Variants in BRINP1 observed in about 807,000 individuals in gnomAD.
BRINP1 encodes BMP/retinoic acid-inducible neural-specific protein 1.
In BRINP1, 17 loss-of-function variants were observed where a neutral mutation model predicts 72.9. The observed-to-expected ratio is 0.23, with a 90% confidence interval of 0.16 to 0.35. The LOEUF is 0.35. Among genes scored for constraint, BRINP1 ranks in the 10% least tolerant of loss-of-function variants. BRINP1 has a pLI of 1.00. For synonymous variants in BRINP1, 418 were observed against 378.5 expected (o/e 1.10, Z -1.21); for missense variants, 850 against 1,001.6 (o/e 0.85, Z 2.04).
At chr9:119,349,454 T>G (rs1831481749) in intron 1 of BRINP1, among the ~76,000 whole-genome samples, 1 of 152,236 alleles carries the variant, frequency 6.6e-6, no homozygotes, top group Non-Finnish European at 1.5e-5. Flanking sequence ...GAGAGATTTC[T>G]GCAAATGTTT....
At chr9:119,173,562 C>T (rs1398081526) in intron 7 of BRINP1, among the ~76,000 whole-genome samples, 1 of 152,102 alleles carries the variant, frequency 6.6e-6, no homozygotes. Flanking sequence ...ACTGGCCATA[C>T]TGCCCAAGGT....
intron 2 of BRINP1, among the ~76,000 whole-genome samples, chr9:119,268,756 G>A (rs1374940358): frequency 1.3e-5 from 2 of 152,008 alleles, no homozygotes; most frequent in Admixed American, 6.5e-5. Context: ...TTTATTGCAC[G>A]GCTCATCACA....
chr9:119,194,638 T>C (rs1443670244), intron 7 of BRINP1, among the ~76,000 whole-genome samples: 3 of 152,204 alleles, frequency 2.0e-5, no homozygotes, highest in Non-Finnish European at 4.4e-5. Context: ...GAGGACCTTG[T>C]GCAAGGCCTG....
chr9:119,249,871 G>A (rs1232479037), intron 2 of BRINP1, among the ~76,000 whole-genome samples: 66 of 116,470 alleles, frequency 5.7e-4, no homozygotes, highest in African/African-American at 2.2e-3. Context: ...AGGGAGGGAG[G>A]GAGGGAAGGG....
intron 2 of BRINP1, among the ~76,000 whole-genome samples, chr9:119,279,555 G>A (rs1292570517): frequency 6.6e-6 from 1 of 152,178 alleles, no homozygotes; most frequent in Non-Finnish European, 1.5e-5. Context: ...TCAAACACAT[G>A]TCTCAAATGA....
intron 7 of BRINP1, among the ~76,000 whole-genome samples, chr9:119,177,797 T>C (rs1036218185): frequency 2.6e-5 from 4 of 152,210 alleles, no homozygotes; most frequent in South Asian, 2.1e-4. Context: ...GCAGGAGGAA[T>C]TGGGGACAGA....
intron 7 of BRINP1, among the ~76,000 whole-genome samples, chr9:119,208,223 C>T (rs1313017571): frequency 2.0e-5 from 3 of 152,054 alleles, no homozygotes; most frequent in Admixed American, 2.0e-4. Context: ...ACTCAATGAC[C>T]CCGCAAGTGT....
intron 7 of BRINP1, among the ~76,000 whole-genome samples, chr9:119,170,387 G>C (rs2118819815): frequency 6.6e-6 from 1 of 150,932 alleles, no homozygotes; most frequent in East Asian, 1.9e-4. Context: ...ATCAGCAATG[G>C]AAGATGAAAT....
At chr9:119,331,707 C>T (rs1251188406) in intron 1 of BRINP1, among the ~76,000 whole-genome samples, 1 of 152,206 alleles carries the variant, frequency 6.6e-6, no homozygotes, top group Non-Finnish European at 1.5e-5. Context: ...TCCAGCTTTA[C>T]TAACGTGAGA....
chr9:119,308,281 C>G (rs1000140849), intron 2 of BRINP1, among the ~76,000 whole-genome samples: 6 of 152,172 alleles, frequency 3.9e-5, no homozygotes, highest in African/African-American at 1.4e-4. Context: ...TAATAGAAAT[C>G]TAGCTCTTTT....
At chr9:119,311,521 T>C (rs1458021745) in intron 2 of BRINP1, among the ~76,000 whole-genome samples, 1 of 152,138 alleles carries the variant, frequency 6.6e-6, no homozygotes, top group African/African-American at 2.4e-5. Context: ...CTCCCCACAA[T>C]GGTTTCTATG....
rs114574759 is a variant in BRINP1, at chr9:119,285,894, A to G, written c.218+27244T>C. ...AACTCATTCTTTTCTTAGGAAACTG[A>G]GATCCAACTTATACCAGGAAGGAAA... On this transcript the variant is annotated intron_variant, in intron 2 of 7. Coordinates refer to ENST00000265922, the MANE Select transcript of BRINP1 (RefSeq NM_014618.3). Among the ~76,000 whole-genome samples the G allele has an allele frequency of 8.1e-3, 1,230 of 152,254 alleles. 15 individuals are homozygous for G. Among genetic ancestry groups the G allele is most frequent in the African/African-American group, 0.029 (1,188 of 41,532 alleles).
chr9:119,282,957 A>G, intron 2 of BRINP1: 1 of 985,364 alleles, frequency 1.0e-6, no homozygotes, highest in Non-Finnish European at 1.2e-6. Flanking sequence ...TGTTATATTA[A>G]TCACAGCTGC....
intron 3 of BRINP1, among the ~76,000 whole-genome samples, chr9:119,247,398 A>G (rs1197963378): frequency 2.0e-5 from 3 of 152,068 alleles, no homozygotes; most frequent in African/African-American, 7.2e-5. Context: ...CACACCTGTA[A>G]TCCCAACACT....
chr9:119,325,650 T>C (rs1831231881), intron 1 of BRINP1, among the ~76,000 whole-genome samples: 1 of 152,224 alleles, frequency 6.6e-6, no homozygotes, highest in East Asian at 1.9e-4. Context: ...ATCTTCCTAC[T>C]GGTCGTCTTG....
chr9:119,217,378 CTG>C lies in BRINP1; in HGVS notation c.686-3225_686-3224del, dbSNP rs201671523. ...AGAAAGAGAGAGAGAGAAAAGAAAA[CTG>C]AGAAAATGAGAGAGAAAAGGGCTAC... On this transcript the variant is annotated intron_variant, in intron 5 of 7. Transcript: ENST00000265922. Among the ~76,000 whole-genome samples, 54 of 151,876 alleles carry C rather than the reference CTG, an allele frequency of 3.6e-4. No homozygotes were observed. The East Asian group carries it at 0.01, about 29-fold the overall frequency.
At chr9:119,226,106 G>T (rs920599871) in intron 5 of BRINP1, among the ~76,000 whole-genome samples, 2 of 151,914 alleles carry the variant, frequency 1.3e-5, no homozygotes, top group Non-Finnish European at 2.9e-5. Flanking sequence ...AAGACAGAAT[G>T]TATCTGGAAT....
intron 2 of BRINP1, among the ~76,000 whole-genome samples, chr9:119,289,899 T>A (rs1221129): frequency 0.3 from 45,334 of 152,012 alleles, 7,086 homozygotes; most frequent in Non-Finnish European, 0.35. Flanking sequence ...CTAGTCCGAG[T>A]CATTATTATC....
intron 5 of BRINP1, among the ~76,000 whole-genome samples, chr9:119,228,688 G>A (rs921181945): frequency 6.6e-6 from 1 of 152,038 alleles, no homozygotes; most frequent in African/African-American, 2.4e-5. Flanking sequence ...GAGCAAAGAC[G>A]AATGGGAAAG....
Sources: gnomAD v4.1 joint callset for allele counts (sites outside exome capture counted in the v4.1 genomes callset) on GRCh38, gnomAD v4.1.1 for gene constraint, MANE v1.5 for transcripts, NCBI Gene and HGNC (gene_info 2026-07-23, HGNC 2026-07-21) for gene names.